The following SLC25A51 variants were observed in gnomAD, a reference collection of about 807,000 sequenced individuals.
The protein encoded by SLC25A51 is mitochondrial nicotinamide adenine dinucleotide transporter SLC25A51.
SLC25A51 carries 11 observed loss-of-function variants against 19.1 expected under a neutral mutation model. The ratio of observed to expected loss-of-function variants is 0.58; its 90% confidence interval spans 0.36 to 0.96. The LOEUF is 0.96. Ranked by LOEUF, SLC25A51 falls within the 40% of genes least tolerant of loss-of-function variation. The pLI is 0.01. For missense variants in SLC25A51, 201 were observed against 365.4 expected (o/e 0.55, Z 3.67); for synonymous variants, 105 against 133.6 (o/e 0.79, Z 1.47).
chr9:37,883,092 G>A (rs1163476927), downstream of SLC25A51, among the ~76,000 whole-genome samples: 4 of 152,186 alleles, frequency 2.6e-5, no homozygotes, highest in Non-Finnish European at 4.4e-5. Context: ...TGATCCACCC[G>A]CCTTGGCCTC....
chr9:37,885,880 C>A, downstream of SLC25A51: 1 of 1,593,562 alleles, frequency 6.3e-7, no homozygotes, highest in Non-Finnish European at 8.6e-7. Flanking sequence ...ACGTGCAAAC[C>A]CCCCCCTCCC....
At chr9:37,893,956 C>T (rs563100364) in intron 2 of SLC25A51, among the ~76,000 whole-genome samples, 2 of 152,272 alleles carry the variant, frequency 1.3e-5, no homozygotes, top group South Asian at 4.1e-4. Flanking sequence ...CACCCCTATT[C>T]CCTGCCCTCT....
chr9:37,878,573 A>G (rs1305090691), downstream of SLC25A51: 1 of 163,266 alleles, frequency 6.1e-6, no homozygotes, highest in Admixed American at 6.4e-5. Context: ...TGCACTTGGT[A>G]TAAAACTGAA....
At chr9:37,882,619 A>G (rs1831370377), downstream of SLC25A51, among the ~76,000 whole-genome samples, 1 of 152,192 alleles carries the variant, frequency 6.6e-6, no homozygotes, top group Non-Finnish European at 1.5e-5. Flanking sequence ...AGAAAGACAC[A>G]CATATTCGCC....
intron 2 of SLC25A51, among the ~76,000 whole-genome samples, chr9:37,898,424 G>A (rs899665391): frequency 6.6e-6 from 1 of 152,164 alleles, no homozygotes; most frequent in South Asian, 2.1e-4. Flanking sequence ...GCGTGGTGGC[G>A]CATGCCTGTA....
chr9:37,892,228 A>T (rs1831606938), intron 2 of SLC25A51, among the ~76,000 whole-genome samples: 1 of 152,242 alleles, frequency 6.6e-6, no homozygotes, highest in African/African-American at 2.4e-5. Flanking sequence ...ATACAGCAGG[A>T]GGTCATTAAT....
At chr9:37,880,923 T>G (rs1469493681) in intron 3 of SLC25A51, among the ~76,000 whole-genome samples, 1 of 152,104 alleles carries the variant, frequency 6.6e-6, no homozygotes, top group Non-Finnish European at 1.5e-5. Flanking sequence ...GGTTAAAAGA[T>G]TTCATCAGAT....
Position 37,887,731 on chromosome 9 carries a change from G to T in SLC25A51, c.820C>A (p.Leu274Met), listed in dbSNP as rs1831493824. The T allele has an allele frequency of 6.2e-7, 1 of 1,613,782 alleles. No individual in the cohort carries two copies. The highest frequency in any genetic ancestry group is 1.3e-5 in the African/African-American group (1 of 74,882). ...GAGATGAGGGACCGATGGTAATTCA[G>T]ATGGGCACCTCTGAAAAGATTTATC... is the stretch of plus-strand genomic sequence containing the variant. ...KLINLFRGAH[L>M]NYHRSLISWG... Residue 274 changes from leucine (L) to methionine (M), a missense_variant, in exon 3 of 3, where the codon CTG becomes ATG. Transcript: ENST00000242275.
intron 1 of SLC25A51, among the ~76,000 whole-genome samples, chr9:37,902,951 C>T (rs1348698133): frequency 6.6e-6 from 1 of 152,192 alleles, no homozygotes; most frequent in Admixed American, 6.5e-5. Context: ...AGTCAGCATT[C>T]AGAACAAGAT....
downstream of SLC25A51, chr9:37,885,553 C>A: frequency 4.8e-6 from 3 of 623,140 alleles, no homozygotes; most frequent in South Asian, 3.6e-5. Flanking sequence ...CCACGCCTGG[C>A]TAATTTTTTG....
At chr9:37,893,130 A>T (rs1831636447) in intron 2 of SLC25A51, among the ~76,000 whole-genome samples, 1 of 152,198 alleles carries the variant, frequency 6.6e-6, no homozygotes. Context: ...CAACTGCCTC[A>T]GCCTCTCAAG....
intron 1 of SLC25A51, among the ~76,000 whole-genome samples, chr9:37,900,266 C>A (rs763355175): frequency 6.6e-6 from 1 of 151,814 alleles, no homozygotes; most frequent in South Asian, 2.1e-4. Context: ...CTGGCTAACA[C>A]GGTGAAACCC....
intron 2 of SLC25A51, among the ~76,000 whole-genome samples, chr9:37,898,555 C>CA (rs530973557): frequency 0.024 from 3,089 of 126,220 alleles, 64 homozygotes; most frequent in Admixed American, 0.062. Flanking sequence ...AACTCCATCT[C>CA]AAAAAAAAAA....
At chr9:37,893,969 A>G (rs891848890) in intron 2 of SLC25A51, among the ~76,000 whole-genome samples, 2 of 152,138 alleles carry the variant, frequency 1.3e-5, no homozygotes, top group African/African-American at 4.8e-5. Flanking sequence ...TGCCCTCTTC[A>G]ACCTACTCGT....
At chr9:37,886,011 A>T (rs2118304798), downstream of SLC25A51, 4 of 1,613,788 alleles carry the variant, frequency 2.5e-6, no homozygotes, top group East Asian at 8.9e-5. Context: ...AATGACTGCC[A>T]ATCATTTGCC....
chr9:37,891,120 A>AAC (rs1831573856), intron 2 of SLC25A51, among the ~76,000 whole-genome samples: 1 of 152,234 alleles, frequency 6.6e-6, no homozygotes. Context: ...ATGAATATGG[A>AAC]ACACACACAC....
At chr9:37,880,790 G>A (rs569728492) in intron 3 of SLC25A51, 2 of 152,106 alleles carry the variant, frequency 1.3e-5, no homozygotes, top group Non-Finnish European at 2.9e-5. Flanking sequence ...GATTTAAGAT[G>A]GGAACCAGTC....
chr9:37,899,361 A>G (rs1248220515), intron 2 of SLC25A51, among the ~76,000 whole-genome samples: 2 of 152,116 alleles, frequency 1.3e-5, no homozygotes, highest in Non-Finnish European at 2.9e-5. Flanking sequence ...ATTACTGTTC[A>G]TAACAGATCA....
chr9:37,901,061 T>A lies in SLC25A51; in HGVS notation c.-164-1111A>T, dbSNP rs1831837750. ...TTGTATGTTTTGTAGAGACAGGGTT[T>A]CTCTACGTTGCCCAGGCTGGTCTCA... On this transcript the variant is annotated intron_variant, in intron 1 of 2. Coordinates refer to ENST00000242275, the MANE Select transcript of SLC25A51 (RefSeq NM_033412.4). Among the ~76,000 whole-genome samples, 4 of 152,174 alleles carry A rather than the reference T, an allele frequency of 2.6e-5. No homozygotes were observed. In the South Asian group the frequency reaches 8.3e-4, roughly 31 times the overall value.
Sources: gnomAD v4.1 joint callset for allele counts (sites outside exome capture counted in the v4.1 genomes callset) on GRCh38, gnomAD v4.1.1 for gene constraint, MANE v1.5 for transcripts, NCBI Gene and HGNC (gene_info 2026-07-23, HGNC 2026-07-21) for gene names.